ADARB2: variants seen among roughly 807,000 people sequenced by gnomAD.
ADARB2 encodes adenosine deaminase RNA specific B2 (inactive).
ADARB2 carries 25 observed loss-of-function variants against 62.2 expected under a neutral mutation model. The ratio of observed to expected loss-of-function variants is 0.40; its 90% CI spans 0.29 to 0.56. The LOEUF (loss-of-function observed/expected upper bound fraction) is 0.56. Among genes scored for constraint, ADARB2 ranks in the 20% least tolerant of loss-of-function variants. ADARB2 has a pLI of 0.43. For missense variants in ADARB2, 1,071 were observed against 1,077.4 expected, an observed-to-expected ratio of 0.99 and a Z score of 0.08; for synonymous variants, 572 against 500.8, an observed-to-expected ratio of 1.14 and a Z score of -1.90.
At chr10:1,619,289 TA>T (rs59098282) in intron 1 of ADARB2, among the ~76,000 whole-genome samples, 659 of 115,732 alleles carry the variant, frequency 5.7e-3, no homozygotes, top group East Asian at 0.016. Flanking sequence ...ACATTGAAAG[TA>T]AAAAAAAAAA....
rs969317129 is a variant in ADARB2 at position 1,712,591 on chromosome 10, A to G, written c.100+24460T>C. On this transcript the variant is annotated intron_variant, in intron 1 of 9. Coordinates refer to ENST00000381312, the MANE Select transcript of ADARB2 (RefSeq NM_018702.4). ...CTTATCCTACCCAGAAAGCTCTTCC[A>G]GTTACTGAAACCACCATTACTTTTT... is the stretch of plus-strand genomic sequence containing the variant. Among the ~76,000 whole-genome samples, 6 of 151,918 alleles carry G rather than the reference A, an allele frequency of 3.9e-5. No homozygotes were observed. In the South Asian group the frequency reaches 1.0e-3, roughly 26 times the overall value.
intron 1 of ADARB2, among the ~76,000 whole-genome samples, chr10:1,415,464 T>C (rs1490909713): frequency 1.3e-5 from 2 of 151,398 alleles, no homozygotes. Context: ...GATGAGTGGA[T>C]GGATGAATGG....
At position 1,233,596 on chromosome 10, in the gene ADARB2, C is replaced by T. The variant is rs910249840; in HGVS notation, c.1513+98G>A. 3.3e-5 allele frequency: 43 copies of T among 1,315,978 alleles called. No individual in the cohort carries two copies. The East Asian group carries it at 3.4e-4, about 10-fold the overall frequency. The allele number at this position is 1,315,978 out of a possible 1,614,324, so 81.5% of individuals were successfully genotyped here. A position where few individuals can be genotyped will look rare whatever the true frequency, so the allele number is the denominator to read the frequency against. On this transcript the variant is annotated intron_variant, in intron 6 of 9. Transcript: ENST00000381312. ...TCCAGTACCCAAGGGCCCCACACAC[C>T]GCGCCCCTGCCCTGGGCTGTGAAAG...
rs944635338 is a variant in ADARB2 at position 1,441,187 on chromosome 10, C to G, written c.101-62027G>C. Among the ~76,000 whole-genome samples, 4 of 152,190 alleles carry G rather than the reference C, an allele frequency of 2.6e-5. No homozygotes were observed. In the East Asian group the frequency reaches 7.7e-4, roughly 29 times the overall value. ...GCCTCCTGAATTGCCTTTCATTATGCATTTAGAGAAGAATATCCTAGATTC... is the reference window on the plus strand; with the variant it reads ...GCCTCCTGAATTGCCTTTCATTATGGATTTAGAGAAGAATATCCTAGATTC... On this transcript the variant is annotated intron_variant, in intron 1 of 9. Transcript: ENST00000381312.
intron 1 of ADARB2, among the ~76,000 whole-genome samples, chr10:1,735,097 C>A (rs533803184): frequency 5.3e-5 from 8 of 152,128 alleles, no homozygotes; most frequent in African/African-American, 1.9e-4. Context: ...AGATAGCTGC[C>A]GGCAGGTGCC....
At position 1,330,143 on chromosome 10, in the gene ADARB2, T is replaced by A. The variant is rs190826957; in HGVS notation, c.1077+32885A>T. Among the ~76,000 whole-genome samples the A allele has an allele frequency of 4.3e-4, 65 of 152,142 alleles. 1 individual carries two copies. Among genetic ancestry groups the A allele is most frequent in the African/African-American group, 1.5e-3 (63 of 41,506 alleles). On this transcript the variant is annotated intron_variant, in intron 3 of 9. Transcript: ENST00000381312. ...TGTAAGGGTGGTAATAGAGACTTCT[T>A]CCCAAGGAGGGCTGAGTCAGGGTCG...
intron 1 of ADARB2, among the ~76,000 whole-genome samples, chr10:1,537,388 G>T (rs1832346332): frequency 6.6e-6 from 1 of 152,236 alleles, no homozygotes; most frequent in Non-Finnish European, 1.5e-5. Flanking sequence ...TTCAACAATT[G>T]CAGAAGACAG....
chr10:1,392,657 C>A (rs1161494604), intron 1 of ADARB2, among the ~76,000 whole-genome samples: 1 of 152,154 alleles, frequency 6.6e-6, no homozygotes, highest in East Asian at 1.9e-4. Context: ...GTCCTATGAA[C>A]AACACAGGGA....
intron 1 of ADARB2, among the ~76,000 whole-genome samples, chr10:1,595,599 CT>C (rs1328498811): frequency 6.6e-6 from 1 of 152,232 alleles, no homozygotes; most frequent in Admixed American, 6.5e-5. Context: ...GGATTCTTCC[CT>C]GTCCTCCCAG....
intron 1 of ADARB2, chr10:1,526,714 T>G (rs1465044559): frequency 3.0e-6 from 1 of 334,206 alleles, no homozygotes; most frequent in Admixed American, 3.5e-5. Flanking sequence ...TTCTTCCTCA[T>G]AAATCACCCA....
At chr10:1,585,888 G>A (rs900105253) in intron 1 of ADARB2, among the ~76,000 whole-genome samples, 1 of 152,090 alleles carries the variant, frequency 6.6e-6, no homozygotes, top group Non-Finnish European at 1.5e-5. Flanking sequence ...CAAAAAACTG[G>A]CTGGGTGGGG....
chr10:1,221,403 T>TC (rs1830693831), intron 6 of ADARB2, among the ~76,000 whole-genome samples: 1 of 75,652 alleles, frequency 1.3e-5, no homozygotes, highest in Non-Finnish European at 2.9e-5. Flanking sequence ...TGCTCATTTC[T>TC]TTTTTTTTTT....
intron 1 of ADARB2, among the ~76,000 whole-genome samples, chr10:1,405,667 T>C (rs549874696): frequency 6.3e-4 from 96 of 151,920 alleles, no homozygotes; most frequent in African/African-American, 2.2e-3. Flanking sequence ...AAGATGTTTC[T>C]TGGGAAATGT....
chr10:1,647,473 G>A (rs1032476854), intron 1 of ADARB2, among the ~76,000 whole-genome samples: 4 of 152,128 alleles, frequency 2.6e-5, no homozygotes, highest in South Asian at 2.1e-4. Context: ...GTATATGTAC[G>A]TGTGTATACT....
chr10:1,219,418 G>C (rs1830661626), intron 6 of ADARB2, among the ~76,000 whole-genome samples: 1 of 152,174 alleles, frequency 6.6e-6, no homozygotes. Flanking sequence ...AGTACTTAAG[G>C]CTATGCCTTG....
In ADARB2 at chr10:1,596,822, G is replaced by A. The variant is rs183409522; in HGVS notation, c.100+140229C>T. ...CGAAGTGGCAAAGCAAGGGTGTCCC[G>A]CAGCAGGAGGGAGAGTGGGAGCAAG... On this transcript the variant is annotated intron_variant, in intron 1 of 9. Transcript: ENST00000381312. 1.5e-3 allele frequency among the ~76,000 whole-genome samples: 235 copies of A among 152,312 alleles called. 2 individuals are homozygous for A. Among genetic ancestry groups the A allele is most frequent in the African/African-American group, 5.2e-3 (215 of 41,558 alleles).
chr10:1,441,309 CT>C (rs1830903942), intron 1 of ADARB2, among the ~76,000 whole-genome samples: 3 of 152,184 alleles, frequency 2.0e-5, no homozygotes, highest in Admixed American at 2.0e-4. Flanking sequence ...TTCCTATCTG[CT>C]GTTTTTATTG....
At chr10:1,475,113 G>A (rs769319253) in intron 1 of ADARB2, among the ~76,000 whole-genome samples, 2 of 152,168 alleles carry the variant, frequency 1.3e-5, no homozygotes, top group African/African-American at 4.8e-5. Context: ...AATCAACGCG[G>A]CGTCGTCAAG....
intron 1 of ADARB2, chr10:1,675,847 A>T (rs1834460887): frequency 1.4e-6 from 1 of 738,734 alleles, no homozygotes; most frequent in African/African-American, 1.9e-5. Flanking sequence ...CGTGTCTCTG[A>T]TCCCTGCAGG....
Sources: allele counts gnomAD v4.1 joint callset (sites outside exome capture counted in the v4.1 genomes callset), GRCh38; gene constraint gnomAD v4.1.1; transcripts MANE v1.5; gene names NCBI Gene and HGNC (gene_info 2026-07-23, HGNC 2026-07-21).